Variants in COMMD10 observed in about 807,000 individuals in gnomAD.
COMMD10 encodes the protein COMM domain containing 10, also known as COMM domain-containing protein 10.
COMMD10 carries 33 observed loss-of-function variants against 28.9 expected under a neutral mutation model. The ratio of observed to expected loss-of-function variants is 1.14; its 90% confidence interval spans 0.87 to 1.53. The LOEUF (loss-of-function observed/expected upper bound fraction) is 1.53. Ranked by LOEUF, COMMD10 falls within the 40% of genes most tolerant of loss-of-function variation. COMMD10 has a pLI of 0.00. For missense variants in COMMD10, 310 were observed against 233.4 expected (o/e 1.33, Z -2.14); for synonymous variants, 110 against 81.7 (o/e 1.35, Z -1.87).
intron 5 of COMMD10, among the ~76,000 whole-genome samples, chr5:116,157,037 A>C (rs543178915): frequency 2.6e-5 from 4 of 152,050 alleles, no homozygotes; most frequent in Non-Finnish European, 5.9e-5. Flanking sequence ...TTAAGTAAAT[A>C]TTTCATCCTC....
intron 4 of COMMD10, among the ~76,000 whole-genome samples, chr5:116,099,033 T>C (rs1750562045): frequency 6.6e-6 from 1 of 152,192 alleles, no homozygotes; most frequent in African/African-American, 2.4e-5. Flanking sequence ...CAACGTGGTA[T>C]TATTAACTAT....
At chr5:116,222,402 A>G (rs1163222685) in intron 5 of COMMD10, among the ~76,000 whole-genome samples, 1 of 152,190 alleles carries the variant, frequency 6.6e-6, no homozygotes, top group Non-Finnish European at 1.5e-5. Context: ...CTGGTCAACA[A>G]TTATAGTTTC....
At position 116,282,557 on chromosome 5, in the gene COMMD10, C is replaced by G. The variant is rs536662013; in HGVS notation, c.511-8960C>G. 9.5e-4 allele frequency among the ~76,000 whole-genome samples: 144 copies of G among 151,822 alleles called. 1 individual carries two copies. Among genetic ancestry groups the G allele is most frequent in the Non-Finnish European group, 1.4e-3 (98 of 67,906 alleles). On this transcript the variant is annotated intron_variant, in intron 5 of 6. Coordinates refer to ENST00000274458, the MANE Select transcript of COMMD10 (RefSeq NM_016144.4). Reference sequence around the variant, plus strand: ...AGGTGTTTGGTCTTAAATTAGCTTCCTAGGGCGACCATAACAAAGTAACAC... The same window carrying G: ...AGGTGTTTGGTCTTAAATTAGCTTCGTAGGGCGACCATAACAAAGTAACAC...
chr5:116,107,451 T>G (rs1750879068), intron 4 of COMMD10, among the ~76,000 whole-genome samples: 1 of 152,204 alleles, frequency 6.6e-6, no homozygotes, highest in Non-Finnish European at 1.5e-5. Context: ...TGATATCCTT[T>G]CTTTTGCTTT....
At chr5:116,203,809 A>C (rs1316415777) in intron 5 of COMMD10, among the ~76,000 whole-genome samples, 1 of 152,188 alleles carries the variant, frequency 6.6e-6, no homozygotes, top group Non-Finnish European at 1.5e-5. Context: ...AAGACCATCG[A>C]GACTAGGAAG....
chr5:116,289,980 T>G (rs185023073), intron 5 of COMMD10, among the ~76,000 whole-genome samples: 16 of 152,034 alleles, frequency 1.1e-4, no homozygotes, highest in African/African-American at 3.6e-4. Context: ...TTCCTCAATG[T>G]AACATTTTAG....
intron 5 of COMMD10, among the ~76,000 whole-genome samples, chr5:116,256,722 A>C (rs1267495983): frequency 6.6e-6 from 1 of 151,784 alleles, no homozygotes; most frequent in African/African-American, 2.4e-5. Context: ...TTTATTTTTT[A>C]TGTATATCAT....
At chr5:116,124,867 A>G (rs559797716) in intron 4 of COMMD10, among the ~76,000 whole-genome samples, 30 of 152,030 alleles carry the variant, frequency 2.0e-4, no homozygotes, top group Non-Finnish European at 4.0e-4. Context: ...AGTCTGTTTT[A>G]TCAGAGACTA....
chr5:116,221,448 G>C (rs769614982), intron 5 of COMMD10, among the ~76,000 whole-genome samples: 5 of 152,144 alleles, frequency 3.3e-5, no homozygotes, highest in Non-Finnish European at 7.3e-5. Flanking sequence ...GTACAAATTT[G>C]TTGGTCTTGA....
intron 5 of COMMD10, among the ~76,000 whole-genome samples, chr5:116,181,064 A>ACATATTTTTAGTAGTT (rs1747940569): frequency 6.6e-6 from 1 of 152,060 alleles, no homozygotes; most frequent in Non-Finnish European, 1.5e-5. Context: ...GGATCACTTG[A>ACATATTTTTAGTAGTT]GCCTGGGAGG....
chr5:116,105,394 A>G (rs1043663461), intron 4 of COMMD10, among the ~76,000 whole-genome samples: 3 of 152,174 alleles, frequency 2.0e-5, no homozygotes, highest in Non-Finnish European at 4.4e-5. Flanking sequence ...ATTGATGTTC[A>G]TCAGGGATAC....
intron 5 of COMMD10, among the ~76,000 whole-genome samples, chr5:116,266,481 A>C (rs1451133889): frequency 1.3e-5 from 2 of 151,848 alleles, no homozygotes; most frequent in African/African-American, 4.9e-5. Flanking sequence ...TTTTACATCT[A>C]ATCTTAACAT....
intron 5 of COMMD10, among the ~76,000 whole-genome samples, chr5:116,288,870 C>A (rs1240369477): frequency 7.7e-6 from 1 of 129,262 alleles, no homozygotes; most frequent in Non-Finnish European, 1.6e-5. Flanking sequence ...GGTGTTCTCT[C>A]TCTTTTTTTT....
chr5:116,192,843 C>A (rs1748405496), intron 5 of COMMD10, among the ~76,000 whole-genome samples: 1 of 152,124 alleles, frequency 6.6e-6, no homozygotes, highest in Non-Finnish European at 1.5e-5. Flanking sequence ...ACAAAGAGAT[C>A]ATGGCACACT....
chr5:116,281,999 G>C (rs576628215), intron 5 of COMMD10, among the ~76,000 whole-genome samples: 1 of 151,864 alleles, frequency 6.6e-6, no homozygotes, highest in South Asian at 2.1e-4. Flanking sequence ...CAATATATCA[G>C]TGACTCCCAA....
intron 5 of COMMD10, among the ~76,000 whole-genome samples, chr5:116,184,174 G>A (rs144282273): frequency 4.8e-4 from 72 of 151,162 alleles, no homozygotes; most frequent in Non-Finnish European, 9.2e-4. Flanking sequence ...ATAATAACAC[G>A]TAGAAAAAGG....
intron 5 of COMMD10, among the ~76,000 whole-genome samples, chr5:116,263,703 C>T (rs960388860): frequency 2.0e-5 from 3 of 151,690 alleles, no homozygotes; most frequent in African/African-American, 7.3e-5. Context: ...ATAAACTCGA[C>T]CAATTGTCAA....
At chr5:116,262,418 G>C (rs1750472698) in intron 5 of COMMD10, among the ~76,000 whole-genome samples, 1 of 151,674 alleles carries the variant, frequency 6.6e-6, no homozygotes, top group Admixed American at 6.6e-5. Context: ...ATTTATAGGT[G>C]ATGTGTATAT....
intron 5 of COMMD10, among the ~76,000 whole-genome samples, chr5:116,255,056 CCTT>C (rs1407818970): frequency 6.6e-6 from 1 of 151,530 alleles, no homozygotes; most frequent in Non-Finnish European, 1.5e-5. Context: ...GATGTAATGG[CCTT>C]CTTTGTCTCT....
Sources: allele counts gnomAD v4.1 joint callset (sites outside exome capture counted in the v4.1 genomes callset), GRCh38; gene constraint gnomAD v4.1.1; transcripts MANE v1.5; gene names NCBI Gene and HGNC (gene_info 2026-07-23, HGNC 2026-07-21).